The following CADM2 variants were observed in gnomAD, a reference collection of about 807,000 sequenced individuals.
CADM2 encodes the protein immunoglobulin superfamily member 4D.
A neutral mutation model predicts 49.8 loss-of-function variants in CADM2; 12 were observed. The observed-to-expected ratio is 0.24, with a 90% CI of 0.15 to 0.39. The LOEUF (loss-of-function observed/expected upper bound fraction) is 0.39, where lower values mean the gene tolerates loss of function less well. Ranked by LOEUF, CADM2 falls within the 10% of genes least tolerant of loss-of-function variation. CADM2 has a pLI of 1.00. For missense variants in CADM2, 378 were observed against 492.3 expected (o/e 0.77, Z 2.20); for synonymous variants, 214 against 175.4 (o/e 1.22, Z -1.74).
At chr3:85,717,235 G>T (rs2067325311) in intron 1 of CADM2, among the ~76,000 whole-genome samples, 1 of 143,192 alleles carries the variant, frequency 7.0e-6, no homozygotes, top group South Asian at 2.2e-4. Context: ...TGTGTTCCTA[G>T]GTATTTATTC....
intron 1 of CADM2, among the ~76,000 whole-genome samples, chr3:85,064,143 G>C (rs889409085): frequency 9.2e-5 from 14 of 151,998 alleles, no homozygotes; most frequent in South Asian, 6.2e-4. Context: ...TGCTAACCTT[G>C]CTCTAGGAAG....
At chr3:85,560,188 CA>C (rs1288084389) in intron 1 of CADM2, among the ~76,000 whole-genome samples, 4 of 152,284 alleles carry the variant, frequency 2.6e-5, no homozygotes, top group African/African-American at 4.8e-5. Context: ...CGGTTGCTTT[CA>C]AAACTAAGCT....
intron 1 of CADM2, among the ~76,000 whole-genome samples, chr3:85,698,982 T>C (rs2066658264): frequency 6.6e-6 from 1 of 152,084 alleles, no homozygotes; most frequent in Admixed American, 6.6e-5. Flanking sequence ...AGTTAGTTAC[T>C]CCCAAGCTAC....
At chr3:85,920,941 C>CT (rs1267636950) in intron 6 of CADM2, among the ~76,000 whole-genome samples, 3 of 151,582 alleles carry the variant, frequency 2.0e-5, no homozygotes, top group Non-Finnish European at 4.4e-5. Flanking sequence ...ATTTATAAAA[C>CT]TTTTTGGAAG....
At chr3:85,898,899 T>C (rs1232460009) in intron 5 of CADM2, among the ~76,000 whole-genome samples, 2 of 141,286 alleles carry the variant, frequency 1.4e-5, no homozygotes, top group Non-Finnish European at 3.0e-5. Context: ...TTTTCCAAAA[T>C]GTTTGTACTA....
At chr3:85,908,257 T>TC (rs67109925) in intron 5 of CADM2, among the ~76,000 whole-genome samples, 48,690 of 114,994 alleles carry the variant, frequency 0.42, 9,117 homozygotes, top group Admixed American at 0.46. Flanking sequence ...TTTTCTTCTT[T>TC]TTTTTTTTTT....
At chr3:85,968,810 C>A (rs1299644260) in intron 8 of CADM2, among the ~76,000 whole-genome samples, 1 of 151,386 alleles carries the variant, frequency 6.6e-6, no homozygotes, top group Non-Finnish European at 1.5e-5. Flanking sequence ...ATGCAATGGC[C>A]CATGGGAGGA....
intron 1 of CADM2, among the ~76,000 whole-genome samples, chr3:85,586,915 A>G (rs903281698): frequency 6.6e-6 from 1 of 152,128 alleles, no homozygotes; most frequent in Non-Finnish European, 1.5e-5. Context: ...TTCAGCCTAC[A>G]GACAATCATG....
At chr3:85,652,772 C>CTTTTTTTTTTTTTTTTTTGTTT (rs2065085280) in intron 1 of CADM2, among the ~76,000 whole-genome samples, 1 of 50,782 alleles carries the variant, frequency 2.0e-5, no homozygotes, top group Non-Finnish European at 3.5e-5. Flanking sequence ...TTTTTCTTTT[C>CTTTTTTTTTTTTTTTTTTGTTT]TTTTTTTTTT....
At chr3:85,157,965 A>G (rs2040192552) in intron 1 of CADM2, among the ~76,000 whole-genome samples, 1 of 152,104 alleles carries the variant, frequency 6.6e-6, no homozygotes, top group Non-Finnish European at 1.5e-5. Context: ...AATATCCAGA[A>G]TCTACAATGA....
intron 1 of CADM2, among the ~76,000 whole-genome samples, chr3:85,014,218 T>TTATATATATG (rs1559617482): frequency 4.7e-5 from 7 of 149,640 alleles, no homozygotes; most frequent in African/African-American, 1.7e-4. Context: ...ATAATGTATA[T>TTATATATATG]CATATATACG....
At chr3:85,670,069 C>A (rs531243009) in intron 1 of CADM2, among the ~76,000 whole-genome samples, 1 of 152,036 alleles carries the variant, frequency 6.6e-6, no homozygotes, top group Non-Finnish European at 1.5e-5. Flanking sequence ...AGATTAGAAG[C>A]TCTCTAAGGT....
At chr3:85,855,671 G>A (rs113085768) in intron 3 of CADM2, among the ~76,000 whole-genome samples, 6,550 of 144,306 alleles carry the variant, frequency 0.045, 536 homozygotes, top group African/African-American at 0.15. Flanking sequence ...CTGTTGCCTA[G>A]GCTGGAGTGC....
At chr3:86,047,222 A>T (rs1736791658) in intron 8 of CADM2, among the ~76,000 whole-genome samples, 1 of 152,168 alleles carries the variant, frequency 6.6e-6, no homozygotes, top group Non-Finnish European at 1.5e-5. Flanking sequence ...ATTGGGCAGC[A>T]TTTAAGAAGT....
chr3:85,446,372 T>C (rs957845451), intron 1 of CADM2, among the ~76,000 whole-genome samples: 3 of 152,160 alleles, frequency 2.0e-5, no homozygotes, highest in Admixed American at 1.3e-4. Flanking sequence ...CAGTGCATTA[T>C]TTATGTTAAA....
chr3:85,944,207 G>A lies in CADM2; in HGVS notation c.791+8350G>A, dbSNP rs117562741. Among the ~76,000 whole-genome samples, 1,500 of 151,972 alleles carry A rather than the reference G, an allele frequency of 9.9e-3. 31 individuals are homozygous for A. Among genetic ancestry groups the A allele is most frequent in the East Asian group, 0.045 (233 of 5,156 alleles). On this transcript the variant is annotated intron_variant, in intron 7 of 9. Coordinates refer to ENST00000383699, the MANE Select transcript of CADM2 (RefSeq NM_001167675.2). Reference sequence around the variant, plus strand: ...TACGTAATGGTAAAGGGATCAATTCGACAACAAGAGCGAACTATCCTAAAT... The same window carrying A: ...TACGTAATGGTAAAGGGATCAATTCAACAACAAGAGCGAACTATCCTAAAT...
chr3:85,271,670 T>G (rs2106846754), intron 1 of CADM2, among the ~76,000 whole-genome samples: 1 of 151,102 alleles, frequency 6.6e-6, no homozygotes, highest in South Asian at 2.1e-4. Flanking sequence ...ATACAGTAAC[T>G]CAGTCATTCC....
intron 1 of CADM2, among the ~76,000 whole-genome samples, chr3:85,666,927 C>T (rs1245011167): frequency 1.3e-5 from 2 of 151,916 alleles, no homozygotes; most frequent in African/African-American, 4.8e-5. Context: ...TACATATATT[C>T]TAAAATAAAA....
intron 1 of CADM2, among the ~76,000 whole-genome samples, chr3:85,514,542 G>A (rs1211010938): frequency 1.3e-5 from 2 of 152,042 alleles, no homozygotes. Flanking sequence ...TACATGCACT[G>A]TAACTCTAAG....
Sources: gnomAD v4.1 joint callset for allele counts (sites outside exome capture counted in the v4.1 genomes callset) on GRCh38, gnomAD v4.1.1 for gene constraint, MANE v1.5 for transcripts, NCBI Gene and HGNC (gene_info 2026-07-23, HGNC 2026-07-21) for gene names.